The following GPC5 variants were observed in gnomAD, a reference collection of about 807,000 sequenced individuals.
GPC5 encodes glypican-5.
GPC5 carries 47 observed loss-of-function variants against 53.9 expected under a neutral mutation model. The observed-to-expected ratio is 0.87, with a 90% CI of 0.69 to 1.11. The LOEUF is 1.11. Among genes scored for constraint, GPC5 ranks in the 50% most tolerant of loss-of-function variants. The pLI is 0.00. For missense variants in GPC5, 748 were observed against 713.1 expected (o/e 1.05, Z -0.56); for synonymous variants, 286 against 263.3 (o/e 1.09, Z -0.84).
chr13:92,160,803 C>T (rs945717185), intron 7 of GPC5, among the ~76,000 whole-genome samples: 2 of 152,138 alleles, frequency 1.3e-5, no homozygotes, highest in Non-Finnish European at 2.9e-5. Context: ...ATGGGACTGA[C>T]AATAAGAAGA....
chr13:92,485,157 G>C (rs1048143778), intron 7 of GPC5, among the ~76,000 whole-genome samples: 1 of 152,188 alleles, frequency 6.6e-6, no homozygotes, highest in Non-Finnish European at 1.5e-5. Flanking sequence ...AGGCAAGTCT[G>C]TGGAAAGTTT....
chr13:91,911,494 GAT>G (rs2039610138), intron 6 of GPC5, among the ~76,000 whole-genome samples: 1 of 152,152 alleles, frequency 6.6e-6, no homozygotes, highest in Non-Finnish European at 1.5e-5. Context: ...AGTGAGCCAA[GAT>G]GGCACCACTG....
At chr13:91,475,503 C>T (rs1882876080) in intron 2 of GPC5, among the ~76,000 whole-genome samples, 1 of 152,170 alleles carries the variant, frequency 6.6e-6, no homozygotes, top group Admixed American at 6.6e-5. Flanking sequence ...ATCTCAGAGG[C>T]ATATGGCTGA....
chr13:91,901,567 T>C (rs1330023626), intron 5 of GPC5, among the ~76,000 whole-genome samples: 1 of 152,092 alleles, frequency 6.6e-6, no homozygotes, highest in East Asian at 1.9e-4. Context: ...TGGAATCCAG[T>C]ATTTCCCAAG....
At chr13:92,562,929 G>C (rs148564975) in intron 7 of GPC5, among the ~76,000 whole-genome samples, 43 of 151,852 alleles carry the variant, frequency 2.8e-4, no homozygotes, top group African/African-American at 9.9e-4. Context: ...ACCCTAGCAG[G>C]GTAGCATAAT....
At chr13:92,169,749 G>C (rs1038307039) in intron 7 of GPC5, among the ~76,000 whole-genome samples, 2 of 130,040 alleles carry the variant, frequency 1.5e-5, no homozygotes, top group East Asian at 3.9e-4. Flanking sequence ...CAGCTGTAAA[G>C]TAAAGGCAAA....
At chr13:92,373,324 A>T (rs1332926737) in intron 7 of GPC5, among the ~76,000 whole-genome samples, 3 of 152,250 alleles carry the variant, frequency 2.0e-5, no homozygotes, top group Non-Finnish European at 4.4e-5. Context: ...CACTGCTTTT[A>T]CTATTCTGTT....
chr13:92,356,028 T>G (rs2043518845), intron 7 of GPC5, among the ~76,000 whole-genome samples: 1 of 152,120 alleles, frequency 6.6e-6, no homozygotes, highest in African/African-American at 2.4e-5. Flanking sequence ...TTGGCAAAAC[T>G]TTTACCCTAT....
At chr13:91,412,669 G>A (rs956701363) in intron 1 of GPC5, among the ~76,000 whole-genome samples, 15 of 152,156 alleles carry the variant, frequency 9.9e-5, no homozygotes, top group Admixed American at 5.2e-4. Context: ...GGAATATGAC[G>A]TTATCAAAGA....
At chr13:91,941,072 C>A (rs927018405) in intron 6 of GPC5, among the ~76,000 whole-genome samples, 1 of 151,974 alleles carries the variant, frequency 6.6e-6, no homozygotes, top group African/African-American at 2.4e-5. Context: ...TTTGCCAAGG[C>A]TAATGTTAAG....
intron 6 of GPC5, among the ~76,000 whole-genome samples, chr13:91,936,063 C>T (rs2039868165): frequency 6.6e-6 from 1 of 152,004 alleles, no homozygotes; most frequent in Non-Finnish European, 1.5e-5. Flanking sequence ...TGTATATCAA[C>T]AGATTTTAAT....
intron 6 of GPC5, among the ~76,000 whole-genome samples, chr13:91,955,470 A>G (rs2040064545): frequency 6.6e-6 from 1 of 152,200 alleles, no homozygotes; most frequent in Non-Finnish European, 1.5e-5. Context: ...ATGCTGGAAT[A>G]AAACAGAGAA....
intron 7 of GPC5, among the ~76,000 whole-genome samples, chr13:92,759,092 T>G (rs1421856420): frequency 1.0e-3 from 150 of 142,932 alleles, no homozygotes; most frequent in African/African-American, 3.9e-3. Flanking sequence ...TCTATCCCAC[T>G]GGTCCACTGG....
intron 2 of GPC5, among the ~76,000 whole-genome samples, chr13:91,532,371 C>G (rs367567372): frequency 6.6e-6 from 1 of 152,082 alleles, no homozygotes; most frequent in Admixed American, 6.5e-5. Context: ...CTAATTGCAG[C>G]TTTCATCTCA....
chr13:92,709,548 A>T (rs1888067766), intron 7 of GPC5: 2 of 152,022 alleles, frequency 1.3e-5, no homozygotes, highest in South Asian at 4.1e-4. Context: ...TCTTCTCATT[A>T]CTCCTGTGTC....
intron 7 of GPC5, among the ~76,000 whole-genome samples, chr13:92,419,104 C>T (rs2139359671): frequency 6.6e-6 from 1 of 152,274 alleles, no homozygotes; most frequent in Non-Finnish European, 1.5e-5. Context: ...GCATTTAAGA[C>T]TAGTTATGCA....
At chr13:92,573,073 A>AT (rs902690519) in intron 7 of GPC5, among the ~76,000 whole-genome samples, 14 of 152,138 alleles carry the variant, frequency 9.2e-5, no homozygotes, top group African/African-American at 3.1e-4. Context: ...GTTTTATGAG[A>AT]TTTTTTTGTA....
intron 6 of GPC5, among the ~76,000 whole-genome samples, chr13:92,100,227 AC>A (rs1171463124): frequency 1.3e-5 from 2 of 152,104 alleles, no homozygotes; most frequent in Non-Finnish European, 2.9e-5. Context: ...AGATGGTGAA[AC>A]CCTGTCTCTC....
At chr13:91,620,547 T>C (rs1489256995) in intron 2 of GPC5, among the ~76,000 whole-genome samples, 4 of 152,266 alleles carry the variant, frequency 2.6e-5, no homozygotes, top group African/African-American at 9.6e-5. Flanking sequence ...CATCTCTCTT[T>C]GGTAAACTGT....
Sources: allele counts gnomAD v4.1 joint callset (sites outside exome capture counted in the v4.1 genomes callset), GRCh38; gene constraint gnomAD v4.1.1; transcripts MANE v1.5; gene names NCBI Gene and HGNC (gene_info 2026-07-23, HGNC 2026-07-21).